CCT7: variants seen among roughly 807,000 people sequenced by gnomAD.
CCT7 encodes the protein T-complex protein 1 subunit eta.
CCT7 carries 16 observed loss-of-function variants against 56.6 expected under a neutral mutation model. That is an observed-to-expected ratio of 0.28 (90% CI 0.19 to 0.43). CCT7 has a LOEUF of 0.43. CCT7 is among the 20% of genes least tolerant of loss of function. The pLI, the probability that CCT7 is intolerant of heterozygous loss-of-function variation, is 1.00. For missense variants in CCT7, 519 were observed against 685.6 expected (o/e 0.76, Z 2.71); for synonymous variants, 262 against 254.8 (o/e 1.03, Z -0.27).
At position 73,242,837 on chromosome 2, in the gene CCT7, A is replaced by G. The variant is rs1687172057; in HGVS notation, c.268-167A>G. ...TGTTTGACATGATGGATATGTAACT[A>G]CCATTAGCTTCTTTCTACTTATTGC... On this transcript the variant is annotated intron_variant, in intron 3 of 11. Transcript: ENST00000258091. 7.0e-6 allele frequency: 5 copies of G among 711,834 alleles called. No individual in the cohort carries two copies. The South Asian group carries it at 8.8e-5, about 12-fold the overall frequency. 44.1% of individuals were successfully genotyped at this position (711,834 alleles called of 1,614,324 possible).
At chr2:73,250,543 C>T (rs2103808671) in intron 10 of CCT7, 105 bp downstream of exon 10, 4 of 1,339,334 alleles carry the variant, frequency 3.0e-6, no homozygotes, top group Non-Finnish European at 3.1e-6. Flanking sequence ...ATAACCTGCC[C>T]TTTCCTGGGT....
At chr2:73,250,925 G>A (rs1445394482) in intron 10 of CCT7, among the ~76,000 whole-genome samples, 1 of 151,938 alleles carries the variant, frequency 6.6e-6, no homozygotes. Flanking sequence ...GGGCAACAGA[G>A]CAAGCAGAAG....
rs1686951924 is a variant in CCT7 at position 73,237,997 on chromosome 2, G to A, written c.7-1646G>A. On this transcript the variant is annotated intron_variant, in intron 1 of 11. Transcript: ENST00000258091. Reference sequence around the variant, plus strand: ...TGATCTCACCACTGCACTCCAGCATGGGTGGTGGAGCAAGACCCTGTCTCT... The same window carrying A: ...TGATCTCACCACTGCACTCCAGCATAGGTGGTGGAGCAAGACCCTGTCTCT... Among the ~76,000 whole-genome samples the A allele has an allele frequency of 3.9e-5, 6 of 152,132 alleles. 1 individual carries two copies. In the South Asian group the frequency reaches 1.2e-3, roughly 32 times the overall value.
At chr2:73,244,988 A>G (rs1053476598) in intron 6 of CCT7, among the ~76,000 whole-genome samples, 2 of 152,196 alleles carry the variant, frequency 1.3e-5, no homozygotes, top group Non-Finnish European at 2.9e-5. Context: ...GTGGAGGGGT[A>G]GTAGGACTAG....
chr2:73,240,118 A>C, intron 2 of CCT7: 1 of 331,626 alleles, frequency 3.0e-6, no homozygotes, highest in Non-Finnish European at 5.4e-6. Context: ...TGGTATATTA[A>C]TTGATGTGTG....
Position 73,240,549 on chromosome 2 carries a change from A to G in CCT7, c.267+6A>G. 1.6e-6 allele frequency: 1 copy of G among 636,346 alleles called. No homozygotes were observed. The highest frequency in any genetic ancestry group is 2.4e-5 in the South Asian group (1 of 41,336). 39.4% of individuals were successfully genotyped at this position (636,346 alleles called of 1,614,324 possible). ...CCAAATCCCAAGATGCTGAGGTAGG[A>G]AAATAGTTGTGTGTTTAAATGGAGG... On this transcript the variant is annotated splice_donor_region_variant and intron_variant, in intron 3 of 11. Transcript: ENST00000258091.
intron 1 of CCT7, among the ~76,000 whole-genome samples, chr2:73,235,843 G>T (rs1426853034): frequency 6.6e-6 from 1 of 152,166 alleles, no homozygotes; most frequent in African/African-American, 2.4e-5. Context: ...TAAGAGCTTT[G>T]GTTCACATTC....
At chr2:73,247,947 GT>G (rs1558568311) in intron 7 of CCT7, 21 bp downstream of exon 7, 1 of 1,608,116 alleles carries the variant, frequency 6.2e-7, no homozygotes, top group Non-Finnish European at 8.5e-7. Flanking sequence ...TCACCAGTTG[GT>G]GGGGGCATGG....
rs766543852 is a variant in CCT7 at position 73,244,604 on chromosome 2, C to T, written c.507C>T (p.Ser169=). The part of the protein sequence containing the change: ...AMTALSSKLI[S]QQKAFFAKMV... ...CCGCTCTGAGCTCCAAGCTGATCTC[C>T]CAGCAGAAAGCTTTCTTTGCTAAGA... Residue 169 remains serine, a synonymous_variant, in exon 6 of 12, where the codon TCC becomes TCT. Coordinates refer to ENST00000258091, the MANE Select transcript of CCT7 (RefSeq NM_006429.4). 6.2e-7 allele frequency: 1 copy of T among 1,613,816 alleles called. No homozygotes were observed. Among genetic ancestry groups the T allele is most frequent in the Non-Finnish European group, 8.5e-7 (1 of 1,179,796 alleles).
At chr2:73,234,410 G>A (rs1574349051) in intron 1 of CCT7, 26 bp downstream of exon 1, 1 of 1,612,260 alleles carries the variant, frequency 6.2e-7, no homozygotes, top group East Asian at 2.2e-5. Flanking sequence ...CGCATCCGTC[G>A]CCATCAGCTG....
chr2:73,241,675 C>G (rs371450845), intron 3 of CCT7, among the ~76,000 whole-genome samples: 1 of 152,022 alleles, frequency 6.6e-6, no homozygotes, highest in African/African-American at 2.4e-5. Flanking sequence ...GGATTTAGAT[C>G]CCATCACAGA....
intron 1 of CCT7, chr2:73,237,761 A>G (rs900798330): frequency 1.7e-4 from 26 of 152,216 alleles, no homozygotes; most frequent in African/African-American, 6.3e-4. Context: ...TTTGACAAGC[A>G]TTTAAAAAAA....
intron 11 of CCT7, among the ~76,000 whole-genome samples, chr2:73,252,156 C>CACCCAGTGAATG (rs1406027308): frequency 9.2e-5 from 14 of 151,996 alleles, no homozygotes; most frequent in Admixed American, 9.2e-4. Flanking sequence ...AAGTGCTTAG[C>CACCCAGTGAATG]ACCCAGTGAA....
At chr2:73,239,843 C>T (rs1211786072) in intron 2 of CCT7, 47 bp downstream of exon 2, 1 of 1,568,964 alleles carries the variant, frequency 6.4e-7, no homozygotes, top group Non-Finnish European at 8.7e-7. Context: ...AAGGAGGCTC[C>T]TGAGGGGGTG....
At position 73,247,935 on chromosome 2, in the gene CCT7, G is replaced by A; in HGVS notation, c.783+9G>A. On this transcript the variant is annotated intron_variant, in intron 7 of 11. Transcript: ENST00000258091. ...GAGTCCACACAGTTGAGGTAGGTGG[G>A]TTCACCAGTTGGTGGGGGCATGGAA... The A allele has an allele frequency of 1.2e-6, 2 of 1,610,130 alleles. No individual in the cohort carries two copies. Among genetic ancestry groups the A allele is most frequent in the Non-Finnish European group, 1.7e-6 (2 of 1,176,554 alleles).
At position 73,252,643 on chromosome 2, in the gene CCT7, G is replaced by T. The variant is rs753681500; in HGVS notation, c.1414G>T (p.Gly472Cys). 6 of 1,612,174 alleles carry T rather than the reference G, an allele frequency of 3.7e-6. No homozygotes were observed. The highest frequency in any genetic ancestry group is 2.2e-5 in the South Asian group (2 of 90,990). Residue 472 changes from glycine to cysteine, a missense_variant, in exon 12 of 12, where the codon GGT (glycine) becomes TGT (cysteine). By Grantham distance (159) the Gly-to-Cys change is radical. Coordinates refer to ENST00000258091, the MANE Select transcript of CCT7 (RefSeq NM_006429.4). The part of the protein sequence containing the change: ...NKLRARHAQG[G>C]TWYGVDINNE... The stretch of plus-strand genomic sequence containing the variant: ...CTTTCTTTTCCTACTCTTTTAGGGG[G>T]GTACATGGTATGGAGTAGACATCAA...
rs765614162 is a variant in CCT7, at chr2:73,243,088, C to T, written c.352C>T (p.Pro118Ser). 19 of 1,613,956 alleles carry T rather than the reference C, an allele frequency of 1.2e-5. 1 individual carries two copies. In the South Asian group the frequency reaches 1.9e-4, roughly 16 times the overall value. ...VKPYVEEGLH[P>S]QIIIRAFRTA... The stretch of plus-strand genomic sequence containing the variant: ...ACCCTATGTGGAGGAAGGTTTACAC[C>T]CCCAGATCATCATTCGAGCTTTCCG... The change falls in exon 4 of 12, where the codon CCC (proline) becomes TCC (serine). Residue 118 changes from proline to serine, a missense_variant. By Grantham distance (74) the Pro-to-Ser change is moderately conservative. Transcript: ENST00000258091.
At chr2:73,235,430 C>A in intron 1 of CCT7, 1 of 348,828 alleles carries the variant, frequency 2.9e-6, no homozygotes, top group Non-Finnish European at 4.2e-6. Flanking sequence ...TTTTCTCTGT[C>A]CTGTTAGGGA....
At chr2:73,245,245 A>G (rs1574359677) in intron 6 of CCT7, among the ~76,000 whole-genome samples, 1 of 152,246 alleles carries the variant, frequency 6.6e-6, no homozygotes, top group South Asian at 2.1e-4. Context: ...ATGAACATGT[A>G]TGTAAATACT....
Sources: gnomAD v4.1 joint callset for allele counts (sites outside exome capture counted in the v4.1 genomes callset) on GRCh38, gnomAD v4.1.1 for gene constraint, MANE v1.5 for transcripts, NCBI Gene and HGNC (gene_info 2026-07-23, HGNC 2026-07-21) for gene names.